Variants in KCNQ1 observed in about 807,000 individuals in gnomAD.
KCNQ1 encodes the protein potassium voltage-gated channel subfamily Q member 1, also known as potassium voltage-gated channel subfamily KQT member 1.
A neutral mutation model predicts 72.4 loss-of-function variants in KCNQ1; 49 were observed. The ratio of observed to expected loss-of-function variants is 0.68; its 90% CI spans 0.54 to 0.86. The LOEUF is 0.86. KCNQ1 is among the 40% of genes least tolerant of loss of function. The probability of loss-of-function intolerance (pLI) is 0.00; values close to 1 mark genes in which losing one functional copy is unlikely to be tolerated. For synonymous variants in KCNQ1, 450 were observed against 412.6 expected (o/e 1.09, Z -1.10); for missense variants, 790 against 945.1 (o/e 0.84, Z 2.15).
intron 11 of KCNQ1, among the ~76,000 whole-genome samples, chr11:2,763,049 T>G (rs1846433625): frequency 6.6e-6 from 1 of 152,214 alleles, no homozygotes; most frequent in South Asian, 2.1e-4. Context: ...TAGAATCACC[T>G]TGTCGGTTTC....
rs1297857346 is a variant in KCNQ1 at position 2,803,177 on chromosome 11, G to A, written c.1794+25140G>A. 2.6e-5 allele frequency among the ~76,000 whole-genome samples: 4 copies of A among 151,814 alleles called. No homozygotes were observed. The highest frequency in any genetic ancestry group is 1.3e-4 in the Admixed American group (2 of 15,274). On this transcript the variant is annotated intron_variant, in intron 15 of 15. Transcript: ENST00000155840. The surrounding 1 kb of genome is among the most constrained non-coding windows in gnomAD (Gnocchi z 6.4). ...GGGCCCCCCCCCCCACGGGCACCCA[G>A]GAACCGCCCTGGCTTTGCTGGAGGA... is the stretch of plus-strand genomic sequence containing the variant.
At chr11:2,822,920 C>T (rs1226908087) in intron 15 of KCNQ1, among the ~76,000 whole-genome samples, 1 of 146,064 alleles carries the variant, frequency 6.8e-6, no homozygotes, top group East Asian at 1.9e-4. Context: ...AATTATGCTG[C>T]TGAATTAAAA....
intron 10 of KCNQ1, chr11:2,615,093 G>A: frequency 2.5e-6 from 1 of 398,202 alleles, no homozygotes; most frequent in Non-Finnish European, 4.4e-6. Flanking sequence ...GTAGTCTTTA[G>A]TGCAGAAGTC....
Position 2,674,639 on chromosome 11 carries a change from A to G in KCNQ1, c.1514+12558A>G. ...CAGTCACAGCGAAACATGCCTTTGA[A>G]TTGGAAAGCCAGAACTTTTTGCAAA... On this transcript the variant is annotated intron_variant, in intron 11 of 15. Coordinates refer to ENST00000155840, the MANE Select transcript of KCNQ1 (RefSeq NM_000218.3). This position sits in a 1 kb window ranked among gnomAD's most constrained non-coding sequence, Gnocchi z 5.9. The G allele has an allele frequency of 2.5e-6, 1 of 398,566 alleles. No homozygotes were observed. The highest frequency in any genetic ancestry group is 4.4e-6 in the Non-Finnish European group (1 of 226,050). 24.7% of individuals were successfully genotyped at this position (398,566 alleles called of 1,614,324 possible).
chr11:2,847,847 C>T lies in KCNQ1; in HGVS notation c.1875C>T (p.Pro625=), dbSNP rs112113213. 241 of 1,570,382 alleles carry T rather than the reference C, an allele frequency of 1.5e-4. 3 individuals carry two copies. In the African/African-American group the frequency reaches 1.7e-3, roughly 11 times the overall value. ...QLLSLHGGST[P]GSGGPPREGG... ...TCTCCTTGCACGGTGGCAGCACCCC[C>T]GGCAGCGGCGGCCCCCCCAGAGAGG... is the stretch of plus-strand genomic sequence containing the variant. The change falls in exon 16 of 16, where the codon CCC becomes CCT. Residue 625 remains proline, a synonymous_variant. Coordinates refer to ENST00000155840, the MANE Select transcript of KCNQ1 (RefSeq NM_000218.3).
chr11:2,448,659 T>C (rs1565024610), intron 1 of KCNQ1, among the ~76,000 whole-genome samples: 2 of 152,230 alleles, frequency 1.3e-5, no homozygotes, highest in Non-Finnish European at 2.9e-5. Context: ...CCATCAGGTC[T>C]CTTTCTCTCC....
intron 15 of KCNQ1, among the ~76,000 whole-genome samples, chr11:2,793,694 A>G (rs1847077951): frequency 6.6e-6 from 1 of 152,168 alleles, no homozygotes; most frequent in African/African-American, 2.4e-5. Context: ...ACCAGAAGTC[A>G]CAAGGAGCAG....
intron 11 of KCNQ1, among the ~76,000 whole-genome samples, chr11:2,740,071 G>C (rs910457026): frequency 6.6e-6 from 1 of 152,204 alleles, no homozygotes; most frequent in African/African-American, 2.4e-5. Context: ...CCTAGGCCCT[G>C]AACAGACAGA....
chr11:2,573,713 G>A (rs901897247), intron 6 of KCNQ1, among the ~76,000 whole-genome samples: 3 of 152,216 alleles, frequency 2.0e-5, no homozygotes, highest in Admixed American at 6.5e-5. Context: ...GGCAGATCCC[G>A]CACTGGAACA....
intron 15 of KCNQ1, among the ~76,000 whole-genome samples, chr11:2,797,611 G>C (rs1440885617): frequency 6.6e-6 from 1 of 152,134 alleles, no homozygotes; most frequent in African/African-American, 2.4e-5. Flanking sequence ...CCGCCTTCTT[G>C]TATGTCTTGA....
chr11:2,693,798 G>A (rs944917222), intron 11 of KCNQ1: 4 of 398,674 alleles, frequency 1.0e-5, no homozygotes, highest in Admixed American at 4.4e-5. Context: ...GAGGAGCATG[G>A]CACAGGCTGA....
At chr11:2,584,196 A>G (rs1198127896) in intron 7 of KCNQ1, among the ~76,000 whole-genome samples, 1 of 152,186 alleles carries the variant, frequency 6.6e-6, no homozygotes, top group Admixed American at 6.5e-5. Flanking sequence ...TGTATGCATT[A>G]TACATGTATA....
At chr11:2,729,192 G>C (rs557881254) in intron 11 of KCNQ1, among the ~76,000 whole-genome samples, 1 of 152,276 alleles carries the variant, frequency 6.6e-6, no homozygotes. Context: ...CTAGGGGCAA[G>C]GGCTGGTCTG....
At chr11:2,837,851 C>T (rs376005779) in intron 15 of KCNQ1, among the ~76,000 whole-genome samples, 86 of 152,352 alleles carry the variant, frequency 5.6e-4, no homozygotes, top group Middle Eastern at 3.4e-3. Flanking sequence ...CAGGGGCCGG[C>T]GGCGAGGGAC....
intron 11 of KCNQ1, among the ~76,000 whole-genome samples, chr11:2,739,480 AAC>A (rs1846013609): frequency 1.3e-5 from 2 of 152,262 alleles, no homozygotes; most frequent in Non-Finnish European, 1.5e-5. Context: ...ATAGGTGGGC[AAC>A]ATTTTTATTA....
At chr11:2,561,041 A>T (rs1373849283) in intron 2 of KCNQ1, among the ~76,000 whole-genome samples, 1 of 151,646 alleles carries the variant, frequency 6.6e-6, no homozygotes, top group Non-Finnish European at 1.5e-5. Context: ...TCTCTACTAA[A>T]AATACAAAAA....
At chr11:2,540,184 G>A (rs1377601829) in intron 2 of KCNQ1, among the ~76,000 whole-genome samples, 1 of 152,162 alleles carries the variant, frequency 6.6e-6, no homozygotes, top group East Asian at 1.9e-4. Context: ...CTCCTCTGAC[G>A]CTGGGCAGCA....
intron 12 of KCNQ1, among the ~76,000 whole-genome samples, chr11:2,773,874 G>T (rs1442322768): frequency 1.3e-5 from 2 of 149,114 alleles, no homozygotes; most frequent in African/African-American, 2.5e-5. Flanking sequence ...ACAGGGCTCA[G>T]CAACCCACCT....
At chr11:2,741,385 C>G (rs1271826123) in intron 11 of KCNQ1, among the ~76,000 whole-genome samples, 1 of 152,194 alleles carries the variant, frequency 6.6e-6, no homozygotes, top group East Asian at 1.9e-4. Context: ...TTTGCTCTTT[C>G]TTTTTGTTTT....
Sources: gnomAD v4.1 joint callset for allele counts (sites outside exome capture counted in the v4.1 genomes callset) on GRCh38, gnomAD v4.1.1 for gene constraint, Gnocchi (gnomAD v3.1) non-coding constraint, MANE v1.5 for transcripts, NCBI Gene and HGNC (gene_info 2026-07-23, HGNC 2026-07-21) for gene names.